EVC: variants seen among roughly 807,000 people sequenced by gnomAD.
EVC encodes the protein evC complex member EVC.
Under a neutral mutation model 118.9 loss-of-function variants are expected in EVC, and 116 were observed. The observed-to-expected ratio is 0.98, with a 90% CI of 0.84 to 1.14. EVC has a LOEUF of 1.14. Ranked by LOEUF, EVC falls within the 50% of genes most tolerant of loss-of-function variation. The pLI, the probability that EVC is intolerant of heterozygous loss-of-function variation, is 0.00. For missense variants in EVC, 1,401 were observed against 1,246.4 expected, an observed-to-expected ratio of 1.12 and a Z score of -1.87; for synonymous variants, 619 against 534.7, an observed-to-expected ratio of 1.16 and a Z score of -2.18.
chr4:5,790,240 C>T (rs906275923), intron 12 of EVC, among the ~76,000 whole-genome samples: 2 of 151,178 alleles, frequency 1.3e-5, no homozygotes, highest in African/African-American at 4.9e-5. Context: ...TCTGGTTTCC[C>T]TAGCACTCCA....
At chr4:5,794,226 A>AAT (rs993818156) in intron 13 of EVC, among the ~76,000 whole-genome samples, 2 of 129,584 alleles carry the variant, frequency 1.5e-5, no homozygotes, top group African/African-American at 5.5e-5. Flanking sequence ...TTATGAGAAA[A>AAT]ATATATATAT....
Position 5,743,076 on chromosome 4 carries a change from T to C in EVC, c.801+1262T>C, listed in dbSNP as rs1266046349. The stretch of plus-strand genomic sequence containing the variant: ...AACTTTCTAAAAAGGGGACAGTAAC[T>C]TCTGGGTTGTTGCCATGGAAAAGGG... On this transcript the variant is annotated intron_variant, in intron 6 of 20. Transcript: ENST00000264956. This position sits in a 1 kb window ranked among gnomAD's most constrained non-coding sequence, Gnocchi z 4.7. 6.6e-6 allele frequency among the ~76,000 whole-genome samples: 1 copy of C among 152,174 alleles called. No homozygotes were observed. The highest frequency in any genetic ancestry group is 1.5e-5 in the Non-Finnish European group (1 of 68,032).
chr4:5,719,465 A>G lies in EVC; in HGVS notation c.300+92A>G. On this transcript the variant is annotated intron_variant, in intron 2 of 20. Coordinates refer to ENST00000264956, the MANE Select transcript of EVC (RefSeq NM_153717.3). The surrounding 1 kb of genome is among the most constrained non-coding windows in gnomAD (Gnocchi z 4.7). ...CGGGTGTCATGTAGACAAGCCTCTG[A>G]CAGATATAGTTTCCCAATGGGCTGC... The G allele has an allele frequency of 1.3e-6, 2 of 1,590,136 alleles. No homozygotes were observed. The highest frequency in any genetic ancestry group is 1.7e-6 in the Non-Finnish European group (2 of 1,160,988).
intron 12 of EVC, among the ~76,000 whole-genome samples, chr4:5,785,680 C>G (rs1003905391): frequency 9.9e-5 from 15 of 152,216 alleles, no homozygotes; most frequent in Non-Finnish European, 1.9e-4. Flanking sequence ...AGGACGGCAA[C>G]CCTGATTTTC....
downstream of EVC, among the ~76,000 whole-genome samples, chr4:5,817,725 C>G (rs181056881): frequency 6.6e-6 from 1 of 152,176 alleles, no homozygotes; most frequent in African/African-American, 2.4e-5. Flanking sequence ...AGGAGGGTTA[C>G]GCACTTACGT....
the EVC span, among the ~76,000 whole-genome samples, chr4:5,823,622 G>A: frequency 1.6e-4 from 24 of 152,244 alleles, no homozygotes; most frequent in Non-Finnish European, 2.6e-4. Flanking sequence ...ATTAGCTCTC[G>A]GAAGAACTGG....
At chr4:5,809,374 G>A (rs555505635) in intron 18 of EVC, 144 bp from the exon 19 acceptor site, 23 of 726,840 alleles carry the variant, frequency 3.2e-5, no homozygotes, top group Admixed American at 9.9e-5. Flanking sequence ...TCCTCTCTGG[G>A]ATGTATGTTG....
At chr4:5,779,548 G>T (rs1374644551) in intron 11 of EVC, among the ~76,000 whole-genome samples, 4 of 137,972 alleles carry the variant, frequency 2.9e-5, no homozygotes. Context: ...CCTTGAAGAG[G>T]TCCTTCACAT....
intron 12 of EVC, among the ~76,000 whole-genome samples, chr4:5,792,662 A>T (rs980494504): frequency 2.6e-5 from 4 of 152,218 alleles, no homozygotes; most frequent in Admixed American, 2.6e-4. Flanking sequence ...GGATAATATG[A>T]ATGTCTCTAT....
In EVC at chr4:5,797,245, T is replaced by G. The variant is rs1369378334; in HGVS notation, c.2097+13T>G. 2 of 1,594,032 alleles carry G rather than the reference T, an allele frequency of 1.3e-6. No homozygotes were observed. The highest frequency in any genetic ancestry group is 1.7e-6 in the Non-Finnish European group (2 of 1,170,816). On this transcript the variant is annotated intron_variant, in intron 14 of 20. Coordinates refer to ENST00000264956, the MANE Select transcript of EVC (RefSeq NM_153717.3). The stretch of plus-strand genomic sequence containing the variant: ...GCTCAGGGCCCTGGTAAGACCAGCA[T>G]GGTGGCCCCACCCATTCCAGACAGG...
intron 11 of EVC, among the ~76,000 whole-genome samples, chr4:5,781,166 C>A (rs146619416): frequency 6.6e-6 from 1 of 152,076 alleles, no homozygotes; most frequent in Admixed American, 6.5e-5. Flanking sequence ...AAGGAGACCT[C>A]GAATTGATTT....
At chr4:5,817,443 A>C (rs1717887062), downstream of EVC, among the ~76,000 whole-genome samples, 1 of 152,224 alleles carries the variant, frequency 6.6e-6, no homozygotes, top group African/African-American at 2.4e-5. Context: ...GCCATGCCAC[A>C]GCTTTCCTCC....
chr4:5,745,165 CTTTG>C (rs749581634), intron 6 of EVC, 35 bp from the exon 7 acceptor site: 5 of 1,599,326 alleles, frequency 3.1e-6, no homozygotes, highest in East Asian at 4.5e-5. Context: ...TAAACTTTTT[CTTTG>C]TTTATTTGCT....
At chr4:5,759,994 G>A (rs919725380) in intron 11 of EVC, among the ~76,000 whole-genome samples, 4 of 152,074 alleles carry the variant, frequency 2.6e-5, no homozygotes, top group Admixed American at 1.3e-4. Context: ...GACTCCAAGC[G>A]GGAAGTGGGC....
the EVC span, chr4:5,821,965 C>T: frequency 3.6e-6 from 3 of 826,464 alleles, no homozygotes; most frequent in Non-Finnish European, 5.3e-6. The surrounding 1 kb of genome is among the most constrained non-coding windows in gnomAD (Gnocchi z 4.4). Flanking sequence ...TCATTCAGGG[C>T]TCAGTCCAGG....
chr4:5,807,209 G>A (rs1207378467), intron 17 of EVC, among the ~76,000 whole-genome samples: 1 of 152,174 alleles, frequency 6.6e-6, no homozygotes, highest in Non-Finnish European at 1.5e-5. Flanking sequence ...ACAGCACCTG[G>A]CAGGCCAGAG....
chr4:5,786,691 G>C (rs1011870435), intron 12 of EVC, among the ~76,000 whole-genome samples: 1 of 152,122 alleles, frequency 6.6e-6, no homozygotes, highest in Non-Finnish European at 1.5e-5. Context: ...GGCTAACATG[G>C]TGAAACCCCG....
intron 12 of EVC, among the ~76,000 whole-genome samples, chr4:5,791,924 A>G (rs58930594): frequency 0.013 from 1,951 of 152,188 alleles, 44 homozygotes; most frequent in African/African-American, 0.044. Context: ...TAACCCCTCT[A>G]CACATTCTCC....
At chr4:5,806,119 G>C (rs1056677088) in intron 17 of EVC, among the ~76,000 whole-genome samples, 7 of 148,858 alleles carry the variant, frequency 4.7e-5, no homozygotes, top group Admixed American at 2.0e-4. Flanking sequence ...TTGCTCTGTT[G>C]CCCAGGCTGG....
Sources: gnomAD v4.1 joint callset for allele counts (sites outside exome capture counted in the v4.1 genomes callset) on GRCh38, gnomAD v4.1.1 for gene constraint, Gnocchi (gnomAD v3.1) non-coding constraint, MANE v1.5 for transcripts, NCBI Gene and HGNC (gene_info 2026-07-23, HGNC 2026-07-21) for gene names.